The following SPAG17 variants were observed in gnomAD, a reference collection of about 807,000 sequenced individuals.
SPAG17 encodes the protein sperm-associated antigen 17.
A neutral mutation model predicts 273.6 loss-of-function variants in SPAG17; 169 were observed. The observed-to-expected ratio is 0.62, with a 90% CI of 0.55 to 0.70. The LOEUF (loss-of-function observed/expected upper bound fraction) is 0.70, where lower values mean the gene tolerates loss of function less well. SPAG17 is among the 30% of genes least tolerant of loss of function. SPAG17 has a pLI of 0.00. For synonymous variants in SPAG17, 825 were observed against 873.2 expected (o/e 0.94, Z 0.97); for missense variants, 2,557 against 2,627.8 (o/e 0.97, Z 0.59).
chr1:118,086,737 T>C lies in SPAG17; in HGVS notation c.1545A>G (p.Ala515=). 1 of 1,614,218 alleles carries C rather than the reference T, an allele frequency of 6.2e-7. No homozygotes were observed. The highest frequency in any genetic ancestry group is 8.5e-7 in the Non-Finnish European group (1 of 1,180,016). The change falls in exon 12 of 49, where the codon GCA becomes GCG. Residue 515 remains alanine, a synonymous_variant. Coordinates refer to ENST00000336338, the MANE Select transcript of SPAG17 (RefSeq NM_206996.4). ...FLSEEENESK[A]VPKGPLLLNY... Reference sequence around the variant, plus strand: ...TCAGTAGGAGGGGGCCTTTGGGCACTGCTTTGCTTTCATTTTCTTCTTCAG... The same window carrying C: ...TCAGTAGGAGGGGGCCTTTGGGCACCGCTTTGCTTTCATTTTCTTCTTCAG...
intron 17 of SPAG17, among the ~76,000 whole-genome samples, chr1:118,069,606 A>T (rs1653366330): frequency 6.6e-6 from 1 of 152,186 alleles, no homozygotes; most frequent in Admixed American, 6.5e-5. Flanking sequence ...TTTGATCAGA[A>T]ATTCAGGTAG....
intron 32 of SPAG17, among the ~76,000 whole-genome samples, chr1:117,999,958 T>A (rs1658091683): frequency 6.6e-6 from 1 of 152,216 alleles, no homozygotes; most frequent in Non-Finnish European, 1.5e-5. Context: ...TGGTTTTAGG[T>A]CTAACATGTA....
At chr1:118,144,500 G>A (rs748487896) in intron 3 of SPAG17, among the ~76,000 whole-genome samples, 4 of 152,154 alleles carry the variant, frequency 2.6e-5, no homozygotes, top group African/African-American at 4.8e-5. Flanking sequence ...TAGTCCCAAC[G>A]TAGCACTTCT....
At chr1:118,072,005 G>A (rs1201256778) in intron 17 of SPAG17, among the ~76,000 whole-genome samples, 1 of 151,940 alleles carries the variant, frequency 6.6e-6, no homozygotes, top group Non-Finnish European at 1.5e-5. Flanking sequence ...ACCACACAAA[G>A]GCATATCAAC....
At chr1:117,984,064 C>T in intron 41 of SPAG17, 151 bp from the exon 42 acceptor site, 2 of 512,892 alleles carry the variant, frequency 3.9e-6, no homozygotes, top group South Asian at 3.2e-5. Flanking sequence ...GACTGATTAA[C>T]CCAATTCTAG....
intron 24 of SPAG17, 163 bp downstream of exon 24, chr1:118,036,601 GACACAC>G (rs35746934): frequency 5.6e-5 from 28 of 497,400 alleles, no homozygotes; most frequent in Non-Finnish European, 7.2e-5. Context: ...CACATATATA[GACACAC>G]ACACACACAC....
intron 3 of SPAG17, among the ~76,000 whole-genome samples, chr1:118,133,663 T>C (rs1658179246): frequency 6.6e-6 from 1 of 152,168 alleles, no homozygotes; most frequent in Admixed American, 6.5e-5. Context: ...CAGCCCTTGT[T>C]CATATTTCCC....
At position 118,036,809 on chromosome 1, in the gene SPAG17, G is replaced by A; in HGVS notation, c.3394C>T (p.Leu1132Phe). ...TTTGATCCATAGTAACTTATCGAGA[G>A]GCAGATTCCATTTTCTAAGGTGGCA... ...FSATLENGIC[L>F]SISYYGSNGM... Residue 1132 changes from leucine (L) to phenylalanine (F), a missense_variant, in exon 24 of 49, where the codon CTC (leucine) becomes TTC (phenylalanine). Transcript: ENST00000336338. 2.6e-6 allele frequency: 4 copies of A among 1,559,468 alleles called. No individual in the cohort carries two copies. The African/African-American group carries it at 5.4e-5, about 21-fold the overall frequency.
At position 118,162,667 on chromosome 1, in the gene SPAG17, CG is replaced by C. The variant is rs538694825; in HGVS notation, c.88-11299del. Among the ~76,000 whole-genome samples, 607 of 152,294 alleles carry C rather than the reference CG, an allele frequency of 4.0e-3. 4 individuals carry two copies. Among genetic ancestry groups the C allele is most frequent in the Non-Finnish European group, 6.8e-3 (465 of 68,016 alleles). The stretch of plus-strand genomic sequence containing the variant: ...TTAATATTTACTACGTGGGTACCTA[CG>C]TTGCATGTGCTGCCCTAGAAATGAA... On this transcript the variant is annotated intron_variant, in intron 1 of 48. Transcript: ENST00000336338.
chr1:117,960,600 T>C (rs1247170970), intron 48 of SPAG17: 1 of 152,236 alleles, frequency 6.6e-6, no homozygotes, highest in Non-Finnish European at 1.5e-5. Context: ...GGCGATGAGT[T>C]GTTCATGCAC....
rs778058604 is a variant in SPAG17 at position 118,041,830 on chromosome 1, G to T, written c.3027C>A (p.His1009Gln). ...KIQEVTEESP[H>Q]QPEPKITYPF... The stretch of plus-strand genomic sequence containing the variant: ...GGTAAGTTATCTTAGGTTCTGGTTG[G>T]TGGGGGGACTCTTCTGTTACTTCTT... The change falls in exon 21 of 49, where the codon CAC becomes CAA. Residue 1009 changes from histidine to glutamine, a missense_variant. Transcript: ENST00000336338. The T allele has an allele frequency of 1.2e-6, 2 of 1,613,492 alleles. No homozygotes were observed. Among genetic ancestry groups the T allele is most frequent in the South Asian group, 2.2e-5 (2 of 90,956 alleles).
intron 17 of SPAG17, among the ~76,000 whole-genome samples, chr1:118,073,636 A>G (rs1653823323): frequency 6.6e-6 from 1 of 152,208 alleles, no homozygotes; most frequent in African/African-American, 2.4e-5. Flanking sequence ...AATATTTTAT[A>G]AAAGCATTCT....
chr1:118,063,957 T>A (rs947450023), intron 18 of SPAG17, among the ~76,000 whole-genome samples: 5 of 152,142 alleles, frequency 3.3e-5, no homozygotes. Flanking sequence ...AAAGAAGACA[T>A]TTATGCAGCC....
chr1:118,040,796 A>T lies in SPAG17; in HGVS notation c.3100T>A (p.Ser1034Thr), dbSNP rs1195270050. 1.9e-6 allele frequency: 3 copies of T among 1,603,532 alleles called. No individual in the cohort carries two copies. The highest frequency in any genetic ancestry group is 1.7e-6 in the Non-Finnish European group (2 of 1,170,372). ...TCAGAAGGATACAGGTAGTAATTTG[A>T]CCCTGAGATTTGAGTGGGTATATTT... ...MGNIPTQISGSNYYLYPSDGG... is the reference protein window; with the variant it reads ...MGNIPTQISGTNYYLYPSDGG... The change falls in exon 22 of 49, where the codon TCA becomes ACA. Residue 1034 changes from serine (S) to threonine (T), a missense_variant. Transcript: ENST00000336338.
chr1:117,958,285 T>A (rs574582674), intron 48 of SPAG17, among the ~76,000 whole-genome samples: 1 of 152,364 alleles, frequency 6.6e-6, no homozygotes, highest in African/African-American at 2.4e-5. Flanking sequence ...TCTGTTGCCA[T>A]ATTCATAATT....
chr1:117,969,927 A>G, intron 46 of SPAG17, 129 bp downstream of exon 46: 1 of 797,584 alleles, frequency 1.3e-6, no homozygotes, highest in Non-Finnish European at 2.0e-6. Flanking sequence ...TATGATATTA[A>G]AAACAGTAGA....
chr1:118,081,112 T>A lies in SPAG17; in HGVS notation c.2198A>T (p.His733Leu). 6.2e-7 allele frequency: 1 copy of A among 1,609,768 alleles called. No homozygotes were observed. Among genetic ancestry groups the A allele is most frequent in the African/African-American group, 1.3e-5 (1 of 74,878 alleles). ...ACACTTTAACTTACCCAGAGACTCA[T>A]GTTGGGGCTGAGCCTTCATGATGCT... ...QESIMKAQPQHESLEQTTNNE... is the reference protein window; with the variant it reads ...QESIMKAQPQLESLEQTTNNE... The change falls in exon 15 of 49, where the codon CAT (histidine) becomes CTT (leucine). Residue 733 changes from histidine to leucine, a missense_variant. His to Leu is a moderately conservative substitution (Grantham distance 99). Transcript: ENST00000336338.
chr1:117,998,412 A>G (rs1283273820), intron 32 of SPAG17, among the ~76,000 whole-genome samples: 2 of 152,042 alleles, frequency 1.3e-5, no homozygotes, highest in East Asian at 1.9e-4. Context: ...TCATTGGTCT[A>G]TGCATCTGTT....
intron 3 of SPAG17, among the ~76,000 whole-genome samples, chr1:118,121,548 T>C (rs1657421528): frequency 6.6e-6 from 1 of 152,122 alleles, no homozygotes; most frequent in South Asian, 2.1e-4. Flanking sequence ...TGGACCCTAT[T>C]GTGAACTGTG....
Sources: allele counts gnomAD v4.1 joint callset (sites outside exome capture counted in the v4.1 genomes callset), GRCh38; gene constraint gnomAD v4.1.1; transcripts MANE v1.5; gene names NCBI Gene and HGNC (gene_info 2026-07-23, HGNC 2026-07-21).